Variants in KCNT2 observed in about 807,000 individuals in gnomAD.
The protein encoded by KCNT2 is potassium channel subfamily T member 2.
KCNT2 carries 67 observed loss-of-function variants against 153.8 expected under a neutral mutation model. The observed-to-expected ratio is 0.44, with a 90% CI of 0.36 to 0.53. The LOEUF (loss-of-function observed/expected upper bound fraction) is 0.53. KCNT2 is among the 20% of genes least tolerant of loss of function. The pLI is 0.00. For synonymous variants in KCNT2, 500 were observed against 458.8 expected, an observed-to-expected ratio of 1.09 and a Z score of -1.15; for missense variants, 975 against 1,354.8, an observed-to-expected ratio of 0.72 and a Z score of 4.40.
intron 14 of KCNT2, among the ~76,000 whole-genome samples, chr1:196,368,153 T>C (rs566958628): frequency 6.6e-6 from 1 of 152,258 alleles, no homozygotes; most frequent in Non-Finnish European, 1.5e-5. Flanking sequence ...GCAGAACACA[T>C]TTTTAACTAA....
intron 1 of KCNT2, among the ~76,000 whole-genome samples, chr1:196,531,475 C>A (rs999558685): frequency 6.6e-6 from 1 of 151,978 alleles, no homozygotes; most frequent in Non-Finnish European, 1.5e-5. Context: ...ATGGAGGTAA[C>A]GGCTCCTACT....
intron 1 of KCNT2, among the ~76,000 whole-genome samples, chr1:196,566,069 T>C (rs1375004094): frequency 6.6e-6 from 1 of 151,972 alleles, no homozygotes; most frequent in African/African-American, 2.4e-5. Flanking sequence ...ACGATAAATA[T>C]ATACAATTTT....
chr1:196,450,769 C>T (rs1676088852), intron 8 of KCNT2, among the ~76,000 whole-genome samples: 1 of 151,856 alleles, frequency 6.6e-6, no homozygotes, highest in Non-Finnish European at 1.5e-5. Context: ...ACAGCCTGTT[C>T]TCCATATAGT....
rs1678197335 is a variant in KCNT2 at position 196,472,635 on chromosome 1, CAAAACT to C, written c.385-3573_385-3568del. 1.3e-5 allele frequency among the ~76,000 whole-genome samples: 2 copies of C among 152,136 alleles called. 1 individual carries two copies. The highest frequency in any genetic ancestry group is 4.1e-4 in the South Asian group (2 of 4,826). On this transcript the variant is annotated intron_variant, in intron 5 of 27. Transcript: ENST00000294725. ...CACTTTATATATAGTATGTCTAAAGCAAAACTTATGATTTGTTCCCTGACTTATCTC... is the reference window on the plus strand; with the variant it reads ...CACTTTATATATAGTATGTCTAAAGCTATGATTTGTTCCCTGACTTATCTC...
At chr1:196,258,033 C>G in intron 26 of KCNT2, 161 bp downstream of exon 26, 1 of 1,423,158 alleles carries the variant, frequency 7.0e-7, no homozygotes, top group Non-Finnish European at 9.1e-7. Flanking sequence ...ATCTTATCAT[C>G]ATCATTTAAA....
chr1:196,252,303 TATG>T (rs1180997564), intron 26 of KCNT2, among the ~76,000 whole-genome samples: 5 of 151,766 alleles, frequency 3.3e-5, no homozygotes, highest in African/African-American at 9.7e-5. Context: ...TTGCAGACCA[TATG>T]ATAACTGTTG....
chr1:196,453,687 C>T lies in KCNT2; in HGVS notation c.638+11606G>A, dbSNP rs186273138. 4.6e-5 allele frequency among the ~76,000 whole-genome samples: 7 copies of T among 152,060 alleles called. No individual in the cohort carries two copies. In the East Asian group the frequency reaches 7.8e-4, roughly 17 times the overall value. The stretch of plus-strand genomic sequence containing the variant: ...CCACATCCAATGGGGGGATAATTCA[C>T]GTGTCACCACAAATGTTACTCCTTA... On this transcript the variant is annotated intron_variant, in intron 8 of 27. Coordinates refer to ENST00000294725, the MANE Select transcript of KCNT2 (RefSeq NM_198503.5).
intron 1 of KCNT2, among the ~76,000 whole-genome samples, chr1:196,607,361 A>G (rs1275839080): frequency 6.6e-6 from 1 of 152,254 alleles, no homozygotes; most frequent in Admixed American, 6.5e-5. Flanking sequence ...AAAATACTAA[A>G]TTCGCTGAAA....
At chr1:196,369,940 A>T (rs1042199381) in intron 14 of KCNT2, among the ~76,000 whole-genome samples, 3 of 152,132 alleles carry the variant, frequency 2.0e-5, no homozygotes, top group Admixed American at 2.0e-4. Context: ...AAAAGAAGAC[A>T]TTTATGCAGC....
intron 3 of KCNT2, among the ~76,000 whole-genome samples, chr1:196,485,464 C>T (rs774709648): frequency 6.6e-6 from 1 of 151,906 alleles, no homozygotes; most frequent in Admixed American, 6.6e-5. Context: ...CAATCAACTT[C>T]GTATTTTTAA....
At chr1:196,346,074 T>C (rs976535262) in intron 14 of KCNT2, among the ~76,000 whole-genome samples, 2 of 152,122 alleles carry the variant, frequency 1.3e-5, no homozygotes, top group Admixed American at 6.6e-5. Flanking sequence ...GTGTTCATAA[T>C]AATATTCTTA....
chr1:196,534,612 A>G (rs113428664), intron 1 of KCNT2, among the ~76,000 whole-genome samples: 8,787 of 152,260 alleles, frequency 0.058, 396 homozygotes, highest in Non-Finnish European at 0.085. Context: ...TCATCTTTAG[A>G]CTTTAAAATC....
chr1:196,383,977 G>A (rs78432733), intron 13 of KCNT2, among the ~76,000 whole-genome samples: 1 of 152,068 alleles, frequency 6.6e-6, no homozygotes, highest in African/African-American at 2.4e-5. Flanking sequence ...TTCTTATGTA[G>A]TTAACAATAC....
chr1:196,240,724 G>A (rs112301629), intron 26 of KCNT2, among the ~76,000 whole-genome samples: 20 of 152,110 alleles, frequency 1.3e-4, no homozygotes, highest in African/African-American at 4.6e-4. Flanking sequence ...CAGGCAAGCT[G>A]GGACCAGATT....
chr1:196,311,705 T>G (rs933610756), intron 21 of KCNT2, among the ~76,000 whole-genome samples: 2 of 151,784 alleles, frequency 1.3e-5, no homozygotes, highest in Non-Finnish European at 2.9e-5. Flanking sequence ...TCTCTTGTCT[T>G]TCTTGACACT....
chr1:196,385,545 G>A (rs1032842233), intron 13 of KCNT2, among the ~76,000 whole-genome samples: 2 of 151,580 alleles, frequency 1.3e-5, no homozygotes, highest in Non-Finnish European at 2.9e-5. Flanking sequence ...TTAAAAAATC[G>A]CCAAACAGAA....
At chr1:196,259,430 C>T (rs574664420) in intron 25 of KCNT2, among the ~76,000 whole-genome samples, 40 of 152,186 alleles carry the variant, frequency 2.6e-4, no homozygotes, top group African/African-American at 9.1e-4. Flanking sequence ...TTTCTAAAAA[C>T]ATGCACATGC....
At chr1:196,364,405 A>T (rs1003570282) in intron 14 of KCNT2, among the ~76,000 whole-genome samples, 9 of 152,292 alleles carry the variant, frequency 5.9e-5, no homozygotes, top group Middle Eastern at 6.8e-3. Context: ...GCCTTGTAAC[A>T]CAAATTTGGC....
chr1:196,282,211 G>A (rs766823724), intron 24 of KCNT2, 62 bp downstream of exon 24: 15 of 853,122 alleles, frequency 1.8e-5, no homozygotes, highest in South Asian at 3.2e-5. Flanking sequence ...CAAAGTACAC[G>A]GTAGATAGAT....
Sources: allele counts gnomAD v4.1 joint callset (sites outside exome capture counted in the v4.1 genomes callset), GRCh38; gene constraint gnomAD v4.1.1; transcripts MANE v1.5; gene names NCBI Gene and HGNC (gene_info 2026-07-23, HGNC 2026-07-21).